Variants in SUN1 observed in about 807,000 individuals in gnomAD.
SUN1 encodes SUN domain-containing protein 1.
Under a neutral mutation model 103.2 loss-of-function variants are expected in SUN1, and 61 were observed. That is an observed-to-expected ratio of 0.59 (90% CI 0.48 to 0.73). SUN1 has a LOEUF of 0.73. SUN1 is among the 30% of genes least tolerant of loss of function. The pLI is 0.00. For missense variants in SUN1, 1,052 were observed against 1,034.6 expected (o/e 1.02, Z -0.23); for synonymous variants, 490 against 425.7 (o/e 1.15, Z -1.86).
chr7:844,097 G>A (rs1423468283), intron 5 of SUN1, among the ~76,000 whole-genome samples: 1 of 152,222 alleles, frequency 6.6e-6, no homozygotes, highest in Non-Finnish European at 1.5e-5. Context: ...GAGGCGACTG[G>A]GCAAGAGTGT....
intron 12 of SUN1, 50 bp downstream of exon 12, chr7:856,451 G>T (rs373932473): frequency 6.3e-7 from 1 of 1,597,478 alleles, no homozygotes; most frequent in Admixed American, 1.7e-5. Flanking sequence ...TGTGTGTGTG[G>T]TTATGTGGAG....
upstream of SUN1, among the ~76,000 whole-genome samples, chr7:830,385 G>A (rs957998452): frequency 1.3e-5 from 2 of 152,238 alleles, no homozygotes; most frequent in Admixed American, 1.3e-4. Flanking sequence ...GTGTCATTAC[G>A]CGGGGACTGC....
At chr7:824,590 G>T (rs1212752690) in intron 1 of SUN1, among the ~76,000 whole-genome samples, 1 of 152,232 alleles carries the variant, frequency 6.6e-6, no homozygotes. Context: ...TCTGTAAGAG[G>T]AAGTGGGGTT....
intron 13 of SUN1, among the ~76,000 whole-genome samples, chr7:858,400 T>C: frequency 6.6e-6 from 1 of 152,300 alleles, no homozygotes; most frequent in Admixed American, 6.5e-5. Flanking sequence ...CTTTTTTTTT[T>C]TTTACTATAT....
chr7:866,182 C>T, intron 16 of SUN1, 115 bp downstream of exon 16: 1 of 869,996 alleles, frequency 1.1e-6, no homozygotes, highest in Non-Finnish European at 1.8e-6. Context: ...GTCTGTGGAA[C>T]TGGTACCACA....
Position 842,055 on chromosome 7 carries a change from G to A in SUN1, c.376G>A (p.Asp126Asn), listed in dbSNP as rs1425517419. 7 of 1,614,226 alleles carry A rather than the reference G, an allele frequency of 4.3e-6. No homozygotes were observed. Among genetic ancestry groups the A allele is most frequent in the Non-Finnish European group, 5.9e-6 (7 of 1,180,050 alleles). ...VSHGGTVSLQ[D>N]AVTRRPPVLD... ...CCACGGCGGCACTGTCAGCCTGCAG[G>A]ATGCTGTGACTCGACGGCCTCCTGT... The change falls in exon 3 of 19, where the codon GAT (aspartate) becomes AAT (asparagine). Residue 126 changes from aspartate (D) to asparagine (N), a missense_variant. This residue lies in a region of SUN1 where 846 missense variants were observed against 774.5 expected (regional missense o/e 1.09). Coordinates refer to ENST00000401592, the MANE Select transcript of SUN1 (RefSeq NM_001130965.3).
chr7:866,606 C>T (rs1293755796), intron 16 of SUN1, among the ~76,000 whole-genome samples: 1 of 140,240 alleles, frequency 7.1e-6, no homozygotes, highest in East Asian at 2.2e-4. Flanking sequence ...GGGCCTTCGC[C>T]CCCACTGTCT....
intron 1 of SUN1, among the ~76,000 whole-genome samples, chr7:820,124 T>A (rs1397621181): frequency 1.3e-5 from 2 of 152,208 alleles, no homozygotes; most frequent in African/African-American, 4.8e-5. Context: ...CCATTGGGGT[T>A]TTGATAGAGA....
chr7:828,262 T>TTTTTG (rs1794567944), upstream of SUN1, among the ~76,000 whole-genome samples: 1 of 120,804 alleles, frequency 8.3e-6, no homozygotes, highest in South Asian at 2.6e-4. Flanking sequence ...TTGTTTTTGT[T>TTTTTG]TTTTGTTTTT....
chr7:856,223 C>A, intron 11 of SUN1, 135 bp from the exon 12 acceptor site: 2 of 825,672 alleles, frequency 2.4e-6, no homozygotes, highest in Non-Finnish European at 3.9e-6. Flanking sequence ...TTCCTACCTG[C>A]CACCCACAGG....
intron 1 of SUN1, among the ~76,000 whole-genome samples, chr7:825,802 C>T (rs1322396733): frequency 1.3e-5 from 2 of 151,856 alleles, no homozygotes; most frequent in Non-Finnish European, 2.9e-5. Flanking sequence ...ATTTTTTAAT[C>T]TGCAGGAAAA....
chr7:856,385 A>G lies in SUN1; in HGVS notation c.1378A>G (p.Lys460Glu). The G allele has an allele frequency of 6.2e-7, 1 of 1,614,182 alleles. No individual in the cohort carries two copies. Among genetic ancestry groups the G allele is most frequent in the Non-Finnish European group, 8.5e-7 (1 of 1,180,028 alleles). The change falls in exon 12 of 19, where the codon AAG becomes GAG. Residue 460 changes from lysine to glutamate, a missense_variant. Around this residue, in one of 2 missense-constraint regions of SUN1, gnomAD observed 846 missense variants for 774.5 expected, o/e 1.09. Coordinates refer to ENST00000401592, the MANE Select transcript of SUN1 (RefSeq NM_001130965.3). ...CATCCAGAAGGAACTAGAACAGACCAAGCAAAAAACAATCAGGTAGGAGGA... is the reference window on the plus strand; with the variant it reads ...CATCCAGAAGGAACTAGAACAGACCGAGCAAAAAACAATCAGGTAGGAGGA... ...EAIQKELEQT[K>E]QKTISAVGEQ...
At chr7:843,086 G>T in intron 3 of SUN1, 120 bp from the exon 4 acceptor site, 1 of 1,406,452 alleles carries the variant, frequency 7.1e-7, no homozygotes, top group Non-Finnish European at 9.9e-7. Flanking sequence ...ACTGTGACCA[G>T]TGCCATAATG....
At chr7:852,977 G>C in intron 9 of SUN1, 25 bp downstream of exon 9, 2 of 1,601,052 alleles carry the variant, frequency 1.2e-6, no homozygotes, top group Non-Finnish European at 1.7e-6. Context: ...AGGCCTCTCA[G>C]CTGGCACTGC....
intron 1 of SUN1, among the ~76,000 whole-genome samples, chr7:837,082 C>T (rs984093776): frequency 6.6e-6 from 1 of 152,214 alleles, no homozygotes; most frequent in African/African-American, 2.4e-5. Flanking sequence ...TGGGAGAAAG[C>T]GTCTAGGCCC....
chr7:821,158 C>CTT (rs71546461), intron 1 of SUN1, among the ~76,000 whole-genome samples: 835 of 69,014 alleles, frequency 0.012, 213 homozygotes, highest in African/African-American at 0.021. Context: ...TTCAGCACAT[C>CTT]TTTTTTTTTT....
intron 16 of SUN1, among the ~76,000 whole-genome samples, chr7:867,688 C>T (rs1221136867): frequency 6.6e-6 from 1 of 152,204 alleles, no homozygotes; most frequent in Non-Finnish European, 1.5e-5. Flanking sequence ...GAGAAACTGT[C>T]GGCTCCTGGG....
At chr7:830,987 A>G (rs1797416088), upstream of SUN1, 1 of 985,466 alleles carries the variant, frequency 1.0e-6, no homozygotes, top group Non-Finnish European at 1.2e-6. Context: ...AGGGTAGCCT[A>G]CATTGGATCC....
At chr7:832,174 T>A, upstream of SUN1, 1 of 832,412 alleles carries the variant, frequency 1.2e-6, no homozygotes, top group Non-Finnish European at 1.5e-6. Context: ...AGTGAGGATT[T>A]AAAAACACAT....
Sources: gnomAD v4.1 joint callset for allele counts (sites outside exome capture counted in the v4.1 genomes callset) on GRCh38, gnomAD v4.1.1 for gene constraint, gnomAD v4.1.1 regional missense constraint, MANE v1.5 for transcripts, NCBI Gene and HGNC (gene_info 2026-07-23, HGNC 2026-07-21) for gene names.